The following ANKFN1 variants were observed in gnomAD, a reference collection of about 807,000 sequenced individuals.
The protein encoded by ANKFN1 is ankyrin repeat and fibronectin type III domain containing 1.
A neutral mutation model predicts 108.7 loss-of-function variants in ANKFN1; 74 were observed. That is an observed-to-expected ratio of 0.68 (90% confidence interval 0.56 to 0.83). The LOEUF (loss-of-function observed/expected upper bound fraction) is 0.83. ANKFN1 is among the 40% of genes least tolerant of loss of function. ANKFN1 has a pLI of 0.00. For missense variants in ANKFN1, 1,505 were observed against 1,382.3 expected (o/e 1.09, Z -1.41); for synonymous variants, 547 against 516.2 (o/e 1.06, Z -0.81).
intron 4 of ANKFN1, among the ~76,000 whole-genome samples, chr17:56,082,818 G>A (rs1022221949): frequency 1.1e-4 from 17 of 151,620 alleles, no homozygotes; most frequent in African/African-American, 3.9e-4. Context: ...CAGTGAACTT[G>A]GTCCAATGGA....
intron 6 of ANKFN1, among the ~76,000 whole-genome samples, chr17:56,364,621 G>A (rs1383561837): frequency 6.6e-6 from 1 of 152,210 alleles, no homozygotes; most frequent in Non-Finnish European, 1.5e-5. Context: ...TGCATGTTGT[G>A]CTTTTAGAGA....
intron 4 of ANKFN1, among the ~76,000 whole-genome samples, chr17:56,126,686 T>A (rs900092171): frequency 5.3e-5 from 8 of 152,210 alleles, no homozygotes; most frequent in African/African-American, 1.9e-4. Context: ...TTCTCCCAGA[T>A]GATTTGTAAG....
chr17:56,436,552 G>A (rs1268751643), intron 8 of ANKFN1, among the ~76,000 whole-genome samples: 3 of 152,050 alleles, frequency 2.0e-5, no homozygotes, highest in African/African-American at 4.8e-5. Context: ...GGCCGGGCAC[G>A]GTGGCTCATG....
At chr17:56,442,017 G>T (rs2049123980) in intron 9 of ANKFN1, among the ~76,000 whole-genome samples, 1 of 151,538 alleles carries the variant, frequency 6.6e-6, no homozygotes, top group African/African-American at 2.4e-5. Context: ...AAAGCAAAAT[G>T]TAAAATATAA....
At chr17:56,218,589 A>C (rs1915611666) in intron 2 of ANKFN1, among the ~76,000 whole-genome samples, 1 of 151,706 alleles carries the variant, frequency 6.6e-6, no homozygotes. Flanking sequence ...ACTCTTTTCC[A>C]CCTTTTCTTC....
At chr17:56,395,957 T>A (rs2047570896) in intron 8 of ANKFN1, among the ~76,000 whole-genome samples, 2 of 152,070 alleles carry the variant, frequency 1.3e-5, no homozygotes, top group Admixed American at 1.3e-4. Flanking sequence ...CCAACATCTG[T>A]AGAGTAATAG....
chr17:56,452,277 A>G (rs1020355346), intron 11 of ANKFN1, among the ~76,000 whole-genome samples: 6 of 152,220 alleles, frequency 3.9e-5, no homozygotes, highest in African/African-American at 1.2e-4. Context: ...AAGTTAGGGA[A>G]CTACTGCATT....
Position 56,477,493 on chromosome 17 carries a change from T to A in ANKFN1, c.1779T>A (p.Ile593=). 3.1e-6 allele frequency: 5 copies of A among 1,596,254 alleles called. No homozygotes were observed. Among genetic ancestry groups the A allele is most frequent in the Non-Finnish European group, 4.3e-6 (5 of 1,171,438 alleles). The part of the protein sequence containing the change: ...LDILLITIQD[I]LSYHKRSHQR... Reference sequence around the variant, plus strand: ...TTTTTTTTTTAACCCTACAGGATATTCTATCCTATCACAAAAGGAGTCATC... The same window carrying A: ...TTTTTTTTTTAACCCTACAGGATATACTATCCTATCACAAAAGGAGTCATC... The change falls in exon 16 of 21, where the codon ATT becomes ATA. Residue 593 remains isoleucine, a synonymous_variant. Coordinates refer to ENST00000682825, the MANE Select transcript of ANKFN1 (RefSeq NM_001370326.1).
At chr17:56,218,961 T>G (rs1016133323) in intron 2 of ANKFN1, among the ~76,000 whole-genome samples, 1 of 152,180 alleles carries the variant, frequency 6.6e-6, no homozygotes, top group Non-Finnish European at 1.5e-5. Flanking sequence ...CTCCTATAGG[T>G]ACCCCAGGCA....
intron 1 of ANKFN1, among the ~76,000 whole-genome samples, chr17:56,175,615 C>A (rs985266828): frequency 6.6e-6 from 1 of 152,202 alleles, no homozygotes; most frequent in Non-Finnish European, 1.5e-5. Context: ...AGATCCCCAC[C>A]TGCCTTCACT....
intron 4 of ANKFN1, among the ~76,000 whole-genome samples, chr17:56,068,949 C>G (rs1218121135): frequency 1.3e-5 from 2 of 152,206 alleles, no homozygotes; most frequent in East Asian, 3.9e-4. Context: ...ATGGGAATTT[C>G]TCAATGAATT....
intron 3 of ANKFN1, among the ~76,000 whole-genome samples, chr17:56,267,048 A>C (rs9909695): frequency 0.062 from 9,395 of 152,104 alleles, 315 homozygotes; most frequent in South Asian, 0.11. Flanking sequence ...CTCAATAGGT[A>C]GTTTTTCCGT....
intron 6 of ANKFN1, chr17:56,368,015 T>C: frequency 3.2e-6 from 1 of 313,052 alleles, no homozygotes; most frequent in Non-Finnish European, 5.8e-6. Context: ...TCCCTGGGTC[T>C]CAATTTCTTC....
chr17:56,350,154 G>C (rs2046208558), intron 4 of ANKFN1, among the ~76,000 whole-genome samples: 1 of 152,164 alleles, frequency 6.6e-6, no homozygotes, highest in African/African-American at 2.4e-5. Flanking sequence ...CAGGGTATCT[G>C]GGGTAAGCAG....
At chr17:56,416,276 G>A (rs566469551) in intron 8 of ANKFN1, among the ~76,000 whole-genome samples, 2 of 152,200 alleles carry the variant, frequency 1.3e-5, no homozygotes, top group South Asian at 4.2e-4. Flanking sequence ...CCCACAGAAT[G>A]GGAGAAAATG....
At chr17:56,060,196 T>C (rs1402055954) in intron 4 of ANKFN1, among the ~76,000 whole-genome samples, 1 of 130,182 alleles carries the variant, frequency 7.7e-6, no homozygotes, top group Non-Finnish European at 1.5e-5. Flanking sequence ...GTAGCAATTG[T>C]GAATGGGAGT....
chr17:56,218,547 G>A (rs113760972), intron 2 of ANKFN1, among the ~76,000 whole-genome samples: 1 of 151,692 alleles, frequency 6.6e-6, no homozygotes, highest in Admixed American at 6.6e-5. Flanking sequence ...CCTGTCTCGG[G>A]GACTTCACAC....
At chr17:56,453,554 T>C (rs953207510) in intron 11 of ANKFN1, among the ~76,000 whole-genome samples, 1 of 152,160 alleles carries the variant, frequency 6.6e-6, no homozygotes, top group African/African-American at 2.4e-5. Flanking sequence ...GGTCACTTGT[T>C]GCCCAGTGTA....
At chr17:56,160,659 T>C (rs1598158844) in intron 1 of ANKFN1, among the ~76,000 whole-genome samples, 1 of 152,200 alleles carries the variant, frequency 6.6e-6, no homozygotes, top group South Asian at 2.1e-4. Flanking sequence ...TTATAAGAGA[T>C]GGGAGCTGCC....
Sources: gnomAD v4.1 joint callset for allele counts (sites outside exome capture counted in the v4.1 genomes callset) on GRCh38, gnomAD v4.1.1 for gene constraint, MANE v1.5 for transcripts, NCBI Gene and HGNC (gene_info 2026-07-23, HGNC 2026-07-21) for gene names.